Variants in SLC19A3 observed in about 807,000 individuals in gnomAD.
SLC19A3 encodes thiamine transporter 2.
A neutral mutation model predicts 40.2 loss-of-function variants in SLC19A3; 31 were observed. That is an observed-to-expected ratio of 0.77 (90% CI 0.58 to 1.04). The LOEUF (loss-of-function observed/expected upper bound fraction) is 1.04, where lower values mean the gene tolerates loss of function less well. Ranked by LOEUF, SLC19A3 falls within the 50% of genes least tolerant of loss-of-function variation. The pLI is 0.00. For missense variants in SLC19A3, 592 were observed against 596.7 expected, an observed-to-expected ratio of 0.99 and a Z score of 0.08; for synonymous variants, 212 against 227.5, an observed-to-expected ratio of 0.93 and a Z score of 0.61.
intron 1 of SLC19A3, among the ~76,000 whole-genome samples, chr2:227,715,684 G>A (rs112115743): frequency 1.6e-3 from 247 of 152,250 alleles, no homozygotes; most frequent in African/African-American, 5.8e-3. Flanking sequence ...AGGGAGAGCA[G>A]GAGGAATATG....
chr2:227,717,804 C>A (rs888786334), intron 1 of SLC19A3, 139 bp downstream of exon 1: 2 of 620,844 alleles, frequency 3.2e-6, no homozygotes, highest in African/African-American at 4.0e-5. Context: ...GCTCCTCACG[C>A]GGCTCAGAGT....
chr2:227,704,291 G>C (rs891371686), intron 1 of SLC19A3, among the ~76,000 whole-genome samples: 1 of 152,176 alleles, frequency 6.6e-6, no homozygotes, highest in Admixed American at 6.5e-5. Context: ...TTTCGTGAGT[G>C]CATCTCACTT....
intron 1 of SLC19A3, among the ~76,000 whole-genome samples, chr2:227,711,405 G>A (rs556406478): frequency 1.4e-5 from 2 of 148,070 alleles, no homozygotes; most frequent in East Asian, 2.1e-4. Flanking sequence ...GGGTGACAGA[G>A]CGAGACTCTG....
In SLC19A3 at chr2:227,706,340, C is replaced by T. The variant is rs7559334; in HGVS notation, c.-2-4020G>A. 0.13 allele frequency: 162,774 copies of T among 1,230,824 alleles called. 12,073 individuals are homozygous for T. The highest frequency in any genetic ancestry group is 0.29 in the African/African-American group (18,992 of 64,444). The allele number at this position is 1,230,824 out of a possible 1,614,324, so 76.2% of individuals were successfully genotyped here. ...CTGTGAAAGCCAGATGTTTACCTTT[C>T]CCCTTCATTTTCTGTGTGTTCCAAA... On this transcript the variant is annotated intron_variant, in intron 1 of 5. Coordinates refer to ENST00000644224, the MANE Select transcript of SLC19A3 (RefSeq NM_025243.4).
intron 1 of SLC19A3, among the ~76,000 whole-genome samples, chr2:227,707,627 T>A (rs1307685235): frequency 6.6e-6 from 1 of 151,792 alleles, no homozygotes; most frequent in Non-Finnish European, 1.5e-5. Flanking sequence ...AAAACAAATT[T>A]AAAAAATAAT....
intron 4 of SLC19A3, among the ~76,000 whole-genome samples, chr2:227,691,433 C>T (rs1322202967): frequency 6.6e-6 from 1 of 152,012 alleles, no homozygotes; most frequent in African/African-American, 2.4e-5. Context: ...ATGGTGAAAC[C>T]CTGTCTCTAC....
intron 4 of SLC19A3, among the ~76,000 whole-genome samples, chr2:227,690,202 G>C (rs1001493457): frequency 6.6e-6 from 1 of 152,212 alleles, no homozygotes; most frequent in African/African-American, 2.4e-5. Context: ...CCAATGACCT[G>C]TTGCCTACAA....
At chr2:227,701,021 G>T in intron 2 of SLC19A3, 1 of 1,304,276 alleles carries the variant, frequency 7.7e-7, no homozygotes, top group South Asian at 1.2e-5. Context: ...GGTCCACAGT[G>T]GCTCGAGAAG....
In SLC19A3 at chr2:227,687,515, A is replaced by G; in HGVS notation, c.1373T>C (p.Met458Thr). Residue 458 changes from methionine (M) to threonine (T), a missense_variant, in exon 6 of 6, where the codon ATG becomes ACG. Physicochemically the swap from Met to Thr is moderately conservative, Grantham distance 81. Coordinates refer to ENST00000644224, the MANE Select transcript of SLC19A3 (RefSeq NM_025243.4). Reference protein sequence around the residue: ...VIAGIFLMRSMYITYSTKSQK... With the variant: ...VIAGIFLMRSTYITYSTKSQK... ...GGATTTGGTTGAGTAGGTAATATAC[A>G]TGCTTCTCATTAGGAAAATTCCAGC... 1 of 1,614,106 alleles carries G rather than the reference A, an allele frequency of 6.2e-7. No individual in the cohort carries two copies. Among genetic ancestry groups the G allele is most frequent in the Non-Finnish European group, 8.5e-7 (1 of 1,179,972 alleles).
At chr2:227,711,247 G>A (rs776242228) in intron 1 of SLC19A3, among the ~76,000 whole-genome samples, 10 of 151,788 alleles carry the variant, frequency 6.6e-5, no homozygotes, top group Non-Finnish European at 1.0e-4. Context: ...GTGAAACCCC[G>A]TCTCTAATAC....
rs68136760 is a variant in SLC19A3 at position 227,702,544 on chromosome 2, C to A, written c.-2-224G>T. ...AAGTAGCTGGGATTACAGGTGCCTGCCACCATGACTGGATAATTTTGTATT... is the reference window on the plus strand; with the variant it reads ...AAGTAGCTGGGATTACAGGTGCCTGACACCATGACTGGATAATTTTGTATT... On this transcript the variant is annotated intron_variant, in intron 1 of 5. Coordinates refer to ENST00000644224, the MANE Select transcript of SLC19A3 (RefSeq NM_025243.4). The A allele has an allele frequency of 0.37, 194,238 of 519,614 alleles. 40,052 individuals carry two copies. The highest frequency in any genetic ancestry group is 0.45 in the Non-Finnish European group (130,077 of 290,224). 32.2% of individuals were successfully genotyped at this position (519,614 alleles called of 1,614,324 possible). A position where few individuals can be genotyped will look rare whatever the true frequency, so the allele number is the denominator to read the frequency against.
chr2:227,685,834 A>G lies in SLC19A3; in HGVS notation c.*1563T>C, dbSNP rs1455899521. ...GTTCAGATAATTTTCAGCAGAATTC[A>G]TCAAAAAATGTTAACAACTCTTTAA... On this transcript the variant is annotated 3_prime_UTR_variant, in exon 6 of 6. Coordinates refer to ENST00000644224, the MANE Select transcript of SLC19A3 (RefSeq NM_025243.4). 1 of 162,932 alleles carries G rather than the reference A, an allele frequency of 6.1e-6. No individual in the cohort carries two copies. Among genetic ancestry groups the G allele is most frequent in the African/African-American group, 2.4e-5 (1 of 41,578 alleles). 10.1% of individuals were successfully genotyped at this position (162,932 alleles called of 1,614,324 possible).
rs1014828906 is a variant in SLC19A3, at chr2:227,685,758, T to C, written c.*1639A>G. The stretch of plus-strand genomic sequence containing the variant: ...GCATTCTTTATTCTCACTGTCAGAC[T>C]GCTCAATGCATCCCTTATTGAAGTT... On this transcript the variant is annotated 3_prime_UTR_variant, in exon 6 of 6. Coordinates refer to ENST00000644224, the MANE Select transcript of SLC19A3 (RefSeq NM_025243.4). 3.2e-5 allele frequency: 5 copies of C among 155,146 alleles called. No individual in the cohort carries two copies. The highest frequency in any genetic ancestry group is 1.2e-4 in the African/African-American group (5 of 41,458). The allele number at this position is 155,146 out of a possible 1,614,324, so 9.6% of individuals were successfully genotyped here.
intron 1 of SLC19A3, among the ~76,000 whole-genome samples, chr2:227,708,255 C>T (rs1329979152): frequency 6.6e-6 from 1 of 152,064 alleles, no homozygotes; most frequent in African/African-American, 2.4e-5. Flanking sequence ...GCAGGAGTGG[C>T]TTCTCATGAT....
At position 227,703,191 on chromosome 2, in the gene SLC19A3, C is replaced by T. The variant is rs932134; in HGVS notation, c.-2-871G>A. On this transcript the variant is annotated intron_variant, in intron 1 of 5. Transcript: ENST00000644224. This position sits in a 1 kb window ranked among gnomAD's most constrained non-coding sequence, Gnocchi z 4.7. ...AAACGTGTATTTATAAACACATTCA[C>T]ACTAAAGATTATGGTTACATATATA... Among the ~76,000 whole-genome samples the T allele has an allele frequency of 0.36, 54,192 of 152,102 alleles. 10,240 individuals carry two copies. Among genetic ancestry groups the T allele is most frequent in the East Asian group, 0.61 (3,151 of 5,168 alleles).
intron 2 of SLC19A3, chr2:227,701,262 G>A (rs1695676125): frequency 5.7e-6 from 2 of 347,920 alleles, no homozygotes; most frequent in South Asian, 3.1e-5. Flanking sequence ...TAAGGCTGGA[G>A]ATTGTAAAAT....
At chr2:227,705,148 A>AT (rs1695879548) in intron 1 of SLC19A3, among the ~76,000 whole-genome samples, 1 of 152,154 alleles carries the variant, frequency 6.6e-6, no homozygotes, top group Non-Finnish European at 1.5e-5. Context: ...AAAGTGTTGG[A>AT]TTTTTTTAAT....
At chr2:227,696,609 A>C (rs1695446707) in intron 3 of SLC19A3, among the ~76,000 whole-genome samples, 1 of 152,156 alleles carries the variant, frequency 6.6e-6, no homozygotes, top group Admixed American at 6.5e-5. Context: ...TAGTAATCTT[A>C]GTCTTATTTC....
chr2:227,706,566 T>C, intron 1 of SLC19A3: 1 of 767,170 alleles, frequency 1.3e-6, no homozygotes, highest in Admixed American at 4.7e-5. Context: ...AGGTCAGGAG[T>C]TCAAGACTAG....
Sources: allele counts gnomAD v4.1 joint callset (sites outside exome capture counted in the v4.1 genomes callset), GRCh38; gene constraint gnomAD v4.1.1; non-coding constraint Gnocchi (gnomAD v3.1); transcripts MANE v1.5; gene names NCBI Gene and HGNC (gene_info 2026-07-23, HGNC 2026-07-21).